Variants in TMEM272 observed in about 807,000 individuals in gnomAD.
TMEM272 encodes long intergenic non-protein coding RNA 282.
Under a neutral mutation model 3.7 loss-of-function variants are expected in TMEM272, and 8 were observed. The observed-to-expected ratio is 2.17, with a 90% CI of 1.27 to 3.91. The LOEUF is 3.91. Ranked by LOEUF, TMEM272 falls within the 30% of genes most tolerant of loss-of-function variation. The pLI is 0.00. For synonymous variants in TMEM272, 63 were observed against 39.8 expected (o/e 1.58, Z -2.20); for missense variants, 166 against 91.5 (o/e 1.81, Z -3.32).
chr13:51,891,089 G>A, the TMEM272 span, among the ~76,000 whole-genome samples: 1 of 152,152 alleles, frequency 6.6e-6, no homozygotes, highest in African/African-American at 2.4e-5. Flanking sequence ...ACAAACATAA[G>A]AAATGGGCTT....
At chr13:51,832,788 T>G (rs1211473432) in intron 2 of TMEM272, among the ~76,000 whole-genome samples, 1 of 152,250 alleles carries the variant, frequency 6.6e-6, no homozygotes, top group Non-Finnish European at 1.5e-5. Flanking sequence ...TAATCCCCTT[T>G]GAATATAGAT....
chr13:51,866,760 T>C, the TMEM272 span, among the ~76,000 whole-genome samples: 3 of 152,090 alleles, frequency 2.0e-5, no homozygotes, highest in African/African-American at 4.8e-5. Context: ...CTGACGCCCC[T>C]GATGAGGGAG....
chr13:51,894,362 G>A, the TMEM272 span, among the ~76,000 whole-genome samples: 1 of 152,154 alleles, frequency 6.6e-6, no homozygotes, highest in Non-Finnish European at 1.5e-5. Context: ...ATCAGCACAG[G>A]AAATACCAGC....
the TMEM272 span, among the ~76,000 whole-genome samples, chr13:51,907,370 T>C: frequency 6.6e-6 from 1 of 152,158 alleles, no homozygotes; most frequent in Non-Finnish European, 1.5e-5. Context: ...AGTAAACAAC[T>C]TGCCCTTGAG....
chr13:51,852,684 C>T, the TMEM272 span, among the ~76,000 whole-genome samples: 4 of 152,042 alleles, frequency 2.6e-5, no homozygotes, highest in Admixed American at 2.6e-4. Context: ...TCGAGACCAT[C>T]CTGGCCAACA....
At chr13:51,866,170 A>C in the TMEM272 span, 2 of 1,064,588 alleles carry the variant, frequency 1.9e-6, no homozygotes, top group Non-Finnish European at 2.7e-6. Flanking sequence ...GAAAATACAC[A>C]CTCATTGGTC....
the TMEM272 span, among the ~76,000 whole-genome samples, chr13:51,898,505 A>G: frequency 6.6e-6 from 1 of 151,756 alleles, no homozygotes; most frequent in Non-Finnish European, 1.5e-5. Context: ...CACTACATAA[A>G]TATCATGCAT....
chr13:51,825,578 C>A (rs1300276715), intron 3 of TMEM272, among the ~76,000 whole-genome samples: 1 of 151,450 alleles, frequency 6.6e-6, no homozygotes, highest in African/African-American at 2.4e-5. Flanking sequence ...CTCCAATATG[C>A]TGTGAGCTTG....
chr13:51,894,921 T>C, the TMEM272 span, among the ~76,000 whole-genome samples: 3 of 151,588 alleles, frequency 2.0e-5, no homozygotes, highest in African/African-American at 7.3e-5. Flanking sequence ...CTGGGGGTCA[T>C]GGGAGACAGT....
At chr13:51,870,482 T>A in the TMEM272 span, among the ~76,000 whole-genome samples, 2 of 152,004 alleles carry the variant, frequency 1.3e-5, no homozygotes, top group African/African-American at 2.4e-5. Context: ...GGAGGGGATG[T>A]CCAGTTAAAG....
chr13:51,817,117 G>A lies in TMEM272; in HGVS notation c.202-4C>T. ...AGTCGTACAACAGGAGAGACACCTG[G>A]GGCGTGGTGGGGAGCCAGGGTGGCA... On this transcript the variant is annotated splice_polypyrimidine_tract_variant and splice_region_variant and intron_variant, in intron 4 of 4. Coordinates refer to ENST00000629372, the MANE Select transcript of TMEM272 (RefSeq NM_001351003.2). 1 of 697,648 alleles carries A rather than the reference G, an allele frequency of 1.4e-6. No individual in the cohort carries two copies. Among genetic ancestry groups the A allele is most frequent in the South Asian group, 1.5e-5 (1 of 67,432 alleles). 43.2% of individuals were successfully genotyped at this position (697,648 alleles called of 1,614,324 possible). A position where few individuals can be genotyped will look rare whatever the true frequency, so the allele number is the denominator to read the frequency against.
At chr13:51,838,818 G>C (rs972895187) in intron 1 of TMEM272, among the ~76,000 whole-genome samples, 3 of 152,170 alleles carry the variant, frequency 2.0e-5, no homozygotes, top group Non-Finnish European at 4.4e-5. Context: ...AGGCCTGGAG[G>C]GGGAGATGGT....
At chr13:51,910,687 G>A in the TMEM272 span, 1 of 427,500 alleles carries the variant, frequency 2.3e-6, no homozygotes. Context: ...ATAAGCGGCA[G>A]AGAATACACA....
chr13:51,843,756 T>C (rs1418937354), intron 1 of TMEM272, among the ~76,000 whole-genome samples: 1 of 152,230 alleles, frequency 6.6e-6, no homozygotes, highest in African/African-American at 2.4e-5. Context: ...GTCTCACACC[T>C]GCCTCTGCAC....
chr13:51,916,004 C>T, the TMEM272 span, among the ~76,000 whole-genome samples: 5 of 152,026 alleles, frequency 3.3e-5, no homozygotes, highest in Non-Finnish European at 4.4e-5. Flanking sequence ...ACCCGGGAGG[C>T]GGAGGTTGCA....
upstream of TMEM272, among the ~76,000 whole-genome samples, chr13:51,846,194 G>C (rs925997004): frequency 6.6e-6 from 1 of 152,242 alleles, no homozygotes; most frequent in South Asian, 2.1e-4. Context: ...CCACAGGACA[G>C]GGTGAAGCAG....
intron 1 of TMEM272, among the ~76,000 whole-genome samples, chr13:51,842,094 G>A (rs556527388): frequency 6.6e-5 from 10 of 152,244 alleles, no homozygotes; most frequent in East Asian, 1.9e-4. Context: ...GTAGATCTAC[G>A]TAAACACATA....
the TMEM272 span, among the ~76,000 whole-genome samples, chr13:51,919,359 T>A: frequency 6.6e-6 from 1 of 152,166 alleles, no homozygotes; most frequent in South Asian, 2.1e-4. Flanking sequence ...TGCTTCATAG[T>A]TTTAGAAATA....
At chr13:51,890,798 T>C in the TMEM272 span, among the ~76,000 whole-genome samples, 2 of 152,248 alleles carry the variant, frequency 1.3e-5, no homozygotes, top group Non-Finnish European at 1.5e-5. Context: ...TTGTTCCTTC[T>C]TTCTGCTTCT....
Sources: allele counts gnomAD v4.1 joint callset (sites outside exome capture counted in the v4.1 genomes callset), GRCh38; gene constraint gnomAD v4.1.1; transcripts MANE v1.5; gene names NCBI Gene and HGNC (gene_info 2026-07-23, HGNC 2026-07-21).